The following MEI1 variants were observed in gnomAD, a reference collection of about 807,000 sequenced individuals.
MEI1 encodes meiosis inhibitor protein 1.
Under a neutral mutation model 146.2 loss-of-function variants are expected in MEI1, and 103 were observed. The ratio of observed to expected loss-of-function variants is 0.70; its 90% CI spans 0.60 to 0.83. The LOEUF is 0.83. MEI1 is among the 40% of genes least tolerant of loss of function. The pLI is 0.00. For missense variants in MEI1, 1,529 were observed against 1,533.0 expected (o/e 1.00, Z 0.04); for synonymous variants, 652 against 628.2 (o/e 1.04, Z -0.57).
chr22:41,770,802 G>C lies in MEI1; in HGVS notation c.2385G>C (p.Arg795Ser). The C allele has an allele frequency of 6.2e-7, 1 of 1,613,958 alleles. No homozygotes were observed. The highest frequency in any genetic ancestry group is 1.1e-5 in the South Asian group (1 of 91,076). Residue 795 changes from arginine to serine, a missense_variant, in exon 20 of 31, where the codon AGG becomes AGC. Coordinates refer to ENST00000401548, the MANE Select transcript of MEI1 (RefSeq NM_152513.4). The stretch of plus-strand genomic sequence containing the variant: ...TGTTGTATCCAGAGCTCATGAGTAG[G>C]TATGGGCACCGTGTCCTGGAACTTT... The part of the protein sequence containing the change: ...FFLLYPELMS[R>S]YGHRVLELWF...
intron 20 of MEI1, chr22:41,774,119 A>T (rs1235469314): frequency 6.6e-6 from 1 of 152,214 alleles, no homozygotes; most frequent in Non-Finnish European, 1.5e-5. Context: ...GGACAATGAC[A>T]TCACAGAAAC....
chr22:41,751,374 T>C (rs1038795191), intron 15 of MEI1, among the ~76,000 whole-genome samples: 2 of 152,102 alleles, frequency 1.3e-5, no homozygotes, highest in Non-Finnish European at 2.9e-5. Flanking sequence ...GGATTCTGCT[T>C]TTACAGTGGC....
rs2076102891 is a variant in MEI1, at chr22:41,789,557, G to T, written c.3346-4272G>T. 2.0e-5 allele frequency among the ~76,000 whole-genome samples: 3 copies of T among 152,094 alleles called. No individual in the cohort carries two copies. In the South Asian group the frequency reaches 6.2e-4, roughly 32 times the overall value. On this transcript the variant is annotated intron_variant, in intron 26 of 30. Transcript: ENST00000401548. ...CAGTGGCATTAAGTACATTCACATT[G>T]TTGTGCAACTTTCACCATCATCCAT...
chr22:41,745,193 G>C, intron 13 of MEI1, 129 bp downstream of exon 13: 1 of 638,668 alleles, frequency 1.6e-6, no homozygotes, highest in Non-Finnish European at 2.5e-6. Context: ...GAGGACTTTG[G>C]CTGGGGTAGG....
At chr22:41,708,037 C>T (rs1352575181) in intron 3 of MEI1, among the ~76,000 whole-genome samples, 2 of 152,222 alleles carry the variant, frequency 1.3e-5, no homozygotes, top group African/African-American at 4.8e-5. Flanking sequence ...AACTATCCTT[C>T]ATTCATATAC....
chr22:41,717,885 G>T lies in MEI1; in HGVS notation c.530-186G>T, dbSNP rs1037604780. On this transcript the variant is annotated intron_variant, in intron 5 of 30. Coordinates refer to ENST00000401548, the MANE Select transcript of MEI1 (RefSeq NM_152513.4). ...TCTGCCTTGGCCTTCCCAAGTGCTG[G>T]GATTACAGGTGTGAGTTACTGTGCC... Among the ~76,000 whole-genome samples the T allele has an allele frequency of 3.9e-5, 6 of 152,208 alleles. No homozygotes were observed. In the East Asian group the frequency reaches 1.2e-3, roughly 29 times the overall value.
chr22:41,765,231 G>T (rs1031386296), intron 19 of MEI1, among the ~76,000 whole-genome samples: 1 of 152,114 alleles, frequency 6.6e-6, no homozygotes, highest in African/African-American at 2.4e-5. Flanking sequence ...GGTCAGGCTG[G>T]TCTCTAACTC....
chr22:41,795,315 C>T lies in MEI1; in HGVS notation c.3535-96C>T, dbSNP rs1039977076. On this transcript the variant is annotated intron_variant, in intron 28 of 30. Coordinates refer to ENST00000401548, the MANE Select transcript of MEI1 (RefSeq NM_152513.4). The surrounding 1 kb of genome is among the most constrained non-coding windows in gnomAD (Gnocchi z 4.2). Reference sequence around the variant, plus strand: ...GAAGGCAGGCAGGTTCTGTGGGCTTCAGGACAGTGTCTCCTAAAGTTGGGG... The same window carrying T: ...GAAGGCAGGCAGGTTCTGTGGGCTTTAGGACAGTGTCTCCTAAAGTTGGGG... 3 of 1,522,714 alleles carry T rather than the reference C, an allele frequency of 2.0e-6. No homozygotes were observed. The highest frequency in any genetic ancestry group is 1.8e-6 in the Non-Finnish European group (2 of 1,116,826). 94.3% of individuals were successfully genotyped at this position (1,522,714 alleles called of 1,614,324 possible). A position where few individuals can be genotyped will look rare whatever the true frequency, so the allele number is the denominator to read the frequency against.
intron 12 of MEI1, among the ~76,000 whole-genome samples, chr22:41,743,910 C>T (rs1223931348): frequency 2.6e-5 from 4 of 152,000 alleles, no homozygotes; most frequent in Non-Finnish European, 4.4e-5. Flanking sequence ...GAGTCTTACT[C>T]TGTGGCCCCA....
chr22:41,757,015 A>C (rs1792912466), intron 17 of MEI1, among the ~76,000 whole-genome samples: 1 of 152,230 alleles, frequency 6.6e-6, no homozygotes, highest in Admixed American at 6.5e-5. Flanking sequence ...TCATGCCTTC[A>C]GGCCTCTGAA....
intron 17 of MEI1, among the ~76,000 whole-genome samples, chr22:41,754,749 C>G (rs1053008786): frequency 6.6e-6 from 1 of 152,244 alleles, no homozygotes; most frequent in Middle Eastern, 3.4e-3. Flanking sequence ...TTCTTGAGCA[C>G]CTGTTGTGTG....
chr22:41,754,480 C>T (rs1454979219), intron 17 of MEI1, among the ~76,000 whole-genome samples: 1 of 152,134 alleles, frequency 6.6e-6, no homozygotes, highest in Admixed American at 6.6e-5. Context: ...GTTGCCCAGG[C>T]TGGAGTGCAG....
intron 28 of MEI1, among the ~76,000 whole-genome samples, chr22:41,794,682 C>G (rs1409674283): frequency 6.6e-6 from 1 of 152,170 alleles, no homozygotes; most frequent in Non-Finnish European, 1.5e-5. Context: ...GACACCCTTT[C>G]CCCTATTTCT....
chr22:41,700,291 G>A (rs1054325976), intron 1 of MEI1, among the ~76,000 whole-genome samples: 6 of 152,198 alleles, frequency 3.9e-5, no homozygotes, highest in African/African-American at 9.6e-5. Flanking sequence ...TGGCCAAAGC[G>A]GGCTGCCTGG....
At chr22:41,762,879 T>A (rs2074591068) in intron 18 of MEI1, among the ~76,000 whole-genome samples, 1 of 152,166 alleles carries the variant, frequency 6.6e-6, no homozygotes, top group Admixed American at 6.6e-5. Flanking sequence ...ACCCCAGCAG[T>A]AGCACCCTTC....
At chr22:41,760,973 A>T (rs2074449125) in intron 18 of MEI1, among the ~76,000 whole-genome samples, 1 of 152,108 alleles carries the variant, frequency 6.6e-6, no homozygotes, top group African/African-American at 2.4e-5. Context: ...TTTTTTCTTA[A>T]AACAGGTACT....
intron 3 of MEI1, among the ~76,000 whole-genome samples, chr22:41,710,867 A>G (rs571037418): frequency 6.6e-6 from 1 of 152,358 alleles, no homozygotes; most frequent in Admixed American, 6.5e-5. Flanking sequence ...TTAGGCACTC[A>G]GTCATAGCAG....
chr22:41,718,291 G>A lies in MEI1; in HGVS notation c.733+17G>A. The stretch of plus-strand genomic sequence containing the variant: ...ACTGCTTGGGTAAGACATGAGGCTG[G>A]AGAAAAAAGGGAGAATAAGTTTTTG... On this transcript the variant is annotated intron_variant, in intron 6 of 30. Coordinates refer to ENST00000401548, the MANE Select transcript of MEI1 (RefSeq NM_152513.4). The A allele has an allele frequency of 6.2e-7, 1 of 1,607,426 alleles. No individual in the cohort carries two copies. The highest frequency in any genetic ancestry group is 8.5e-7 in the Non-Finnish European group (1 of 1,177,034).
intron 19 of MEI1, among the ~76,000 whole-genome samples, chr22:41,769,313 G>A (rs1332503556): frequency 6.6e-6 from 1 of 152,074 alleles, no homozygotes; most frequent in Non-Finnish European, 1.5e-5. Context: ...TTCAATGGGG[G>A]AAGATTTGTC....
Sources: allele counts gnomAD v4.1 joint callset (sites outside exome capture counted in the v4.1 genomes callset), GRCh38; gene constraint gnomAD v4.1.1; non-coding constraint Gnocchi (gnomAD v3.1); transcripts MANE v1.5; gene names NCBI Gene and HGNC (gene_info 2026-07-23, HGNC 2026-07-21).